GSE1: variants seen among roughly 807,000 people sequenced by gnomAD.
The protein encoded by GSE1 is genetic suppressor element 1.
Under a neutral mutation model 112.6 loss-of-function variants are expected in GSE1, and 32 were observed. That is an observed-to-expected ratio of 0.28 (90% confidence interval 0.21 to 0.38). The LOEUF is 0.38. GSE1 is among the 10% of genes least tolerant of loss of function. The probability of loss-of-function intolerance (pLI) is 1.00; values close to 1 mark genes in which losing one functional copy is unlikely to be tolerated. For synonymous variants in GSE1, 1,115 were observed against 735.6 expected, an observed-to-expected ratio of 1.52 and a Z score of -8.35; for missense variants, 2,348 against 1,699.2, an observed-to-expected ratio of 1.38 and a Z score of -6.71.
At chr16:85,493,539 A>C (rs1275989663) in intron 2 of GSE1, among the ~76,000 whole-genome samples, 1 of 152,020 alleles carries the variant, frequency 6.6e-6, no homozygotes, top group East Asian at 1.9e-4. Context: ...GGATCTCCTG[A>C]GGTCGGGAGT....
At chr16:85,501,870 G>C (rs1364853381) in intron 2 of GSE1, among the ~76,000 whole-genome samples, 1 of 152,266 alleles carries the variant, frequency 6.6e-6, no homozygotes, top group Non-Finnish European at 1.5e-5. Flanking sequence ...AACAGTTGCA[G>C]ACTGGATCTC....
chr16:85,572,513 A>ACACACACAC, intron 1 of GSE1, among the ~76,000 whole-genome samples: 1 of 151,168 alleles, frequency 6.6e-6, no homozygotes, highest in Middle Eastern at 3.2e-3. Flanking sequence ...CACACACACC[A>ACACACACAC]CACACACACC....
At chr16:85,598,384 C>G (rs1007808335) in intron 1 of GSE1, among the ~76,000 whole-genome samples, 4 of 152,112 alleles carry the variant, frequency 2.6e-5, no homozygotes, top group Non-Finnish European at 5.9e-5. Flanking sequence ...TGGGCATCAG[C>G]TTTCAGGAGA....
chr16:85,461,977 T>C (rs1378767640), intron 2 of GSE1, among the ~76,000 whole-genome samples: 3 of 152,302 alleles, frequency 2.0e-5, no homozygotes, highest in South Asian at 2.1e-4. Flanking sequence ...GAAAGGCAGC[T>C]TGAAGAGTCA....
chr16:85,553,366 C>CT (rs1477521392), upstream of GSE1, among the ~76,000 whole-genome samples: 1 of 151,352 alleles, frequency 6.6e-6, no homozygotes, highest in East Asian at 1.9e-4. Context: ...GCTCCGGAAA[C>CT]AAAGGGCCGC....
At chr16:85,274,969 C>G (rs1049481509) in intron 1 of GSE1, among the ~76,000 whole-genome samples, 13 of 152,240 alleles carry the variant, frequency 8.5e-5, no homozygotes, top group African/African-American at 3.1e-4. Flanking sequence ...TGCAGTTTCT[C>G]CATCAGCAGC....
chr16:85,213,718 C>T (rs1292079360), intron 1 of GSE1, among the ~76,000 whole-genome samples: 1 of 152,226 alleles, frequency 6.6e-6, no homozygotes, highest in African/African-American at 2.4e-5. Context: ...ATCAGGGGTG[C>T]CCTTGCAGGG....
At chr16:85,179,883 G>A (rs1443485243) in intron 1 of GSE1, among the ~76,000 whole-genome samples, 3 of 152,254 alleles carry the variant, frequency 2.0e-5, no homozygotes, top group African/African-American at 7.2e-5. Flanking sequence ...TGGGCAAGAT[G>A]TTCTACCCTG....
intron 2 of GSE1, among the ~76,000 whole-genome samples, chr16:85,638,057 A>G (rs1449553133): frequency 2.0e-5 from 3 of 152,110 alleles, no homozygotes; most frequent in African/African-American, 7.2e-5. Flanking sequence ...CCTGGGCCCC[A>G]GCCGCCTGCG....
intron 2 of GSE1, among the ~76,000 whole-genome samples, chr16:85,445,566 G>A (rs777460102): frequency 6.6e-6 from 1 of 152,248 alleles, no homozygotes; most frequent in Non-Finnish European, 1.5e-5. Flanking sequence ...TCTGCACTGT[G>A]ATAAAAAGCC....
chr16:85,566,030 C>G (rs2045732963), intron 1 of GSE1, among the ~76,000 whole-genome samples: 1 of 152,148 alleles, frequency 6.6e-6, no homozygotes, highest in South Asian at 2.1e-4. Flanking sequence ...TCTCTGTTTT[C>G]TCATCTGCTA....
chr16:85,378,993 C>T (rs144225304), intron 2 of GSE1, among the ~76,000 whole-genome samples: 6 of 152,334 alleles, frequency 3.9e-5, no homozygotes. Flanking sequence ...CTGGGTCTCA[C>T]TGGCCAGACA....
intron 1 of GSE1, among the ~76,000 whole-genome samples, chr16:85,602,135 G>A (rs1277627884): frequency 1.3e-5 from 2 of 152,336 alleles, no homozygotes; most frequent in African/African-American, 4.8e-5. Flanking sequence ...AAGGCAGAAG[G>A]CCGGGCACAG....
rs2053537182 is a variant in GSE1 at position 85,673,939 on chromosome 16, A to AC, written c.*1404dup. ...GTAAAAGCCACAAGGTCTGAGCTGAACCCCTCCTTTTTGAACTTACTGTGA... is the reference window on the plus strand; with the variant it reads ...GTAAAAGCCACAAGGTCTGAGCTGAACCCCCTCCTTTTTGAACTTACTGTGA... On this transcript the variant is annotated 3_prime_UTR_variant, in exon 16 of 16. Transcript: ENST00000253458. 6.6e-6 allele frequency: 1 copy of AC among 152,174 alleles called. No homozygotes were observed. The highest frequency in any genetic ancestry group is 6.5e-5 in the Admixed American group (1 of 15,286). The allele number at this position is 152,174 out of a possible 1,614,324, so 9.4% of individuals were successfully genotyped here.
chr16:85,419,327 A>G lies in GSE1; in HGVS notation c.2464+61684A>G, dbSNP rs1028740969. Among the ~76,000 whole-genome samples the G allele has an allele frequency of 4.6e-5, 7 of 152,146 alleles. No individual in the cohort carries two copies. The highest frequency in any genetic ancestry group is 7.2e-5 in the African/African-American group (3 of 41,436). ...CGGGGTCAGGGTTTGAGAATATACC[A>G]GATGGCCGGGCGTGGTGGCTCGTGC... is the stretch of plus-strand genomic sequence containing the variant. On this transcript the variant is annotated intron_variant, in intron 2 of 2. Transcript: ENST00000637419. This position sits in a 1 kb window ranked among gnomAD's most constrained non-coding sequence, Gnocchi z 6.5.
intron 2 of GSE1, among the ~76,000 whole-genome samples, chr16:85,509,266 C>T (rs991135959): frequency 3.9e-5 from 6 of 152,164 alleles, no homozygotes; most frequent in African/African-American, 9.7e-5. Flanking sequence ...CTTTGGGCGG[C>T]GGTAACAAGA....
At position 85,654,813 on chromosome 16, in the gene GSE1, C is replaced by T. The variant is rs1233634538; in HGVS notation, c.619C>T (p.His207Tyr). The T allele has an allele frequency of 6.2e-7, 1 of 1,611,214 alleles. No individual in the cohort carries two copies. Among genetic ancestry groups the T allele is most frequent in the Non-Finnish European group, 8.5e-7 (1 of 1,179,128 alleles). The change falls in exon 5 of 16, where the codon CAC becomes TAC. Residue 207 changes from histidine to tyrosine, a missense_variant. Physicochemically the swap from His to Tyr is moderately conservative, Grantham distance 83 (BLOSUM62 2). Transcript: ENST00000253458. ...PPLNLQRPVH[H>Y]VVPPSTVTED... The stretch of plus-strand genomic sequence containing the variant: ...CTGCAGCCTCCAGCGGCCCGTGCAC[C>T]ACGTGGTGCCCCCCAGTACCGTGAC...
intron 1 of GSE1, among the ~76,000 whole-genome samples, chr16:85,627,985 G>A (rs929607785): frequency 6.6e-6 from 1 of 152,294 alleles, no homozygotes; most frequent in Non-Finnish European, 1.5e-5. Flanking sequence ...GCTTCGTGCC[G>A]AGGCCTCGGG....
At chr16:85,249,311 G>C (rs1047037657) in intron 1 of GSE1, among the ~76,000 whole-genome samples, 2 of 152,254 alleles carry the variant, frequency 1.3e-5, no homozygotes, top group Admixed American at 1.3e-4. Flanking sequence ...ATGGGGGATA[G>C]CGGGGACCCC....
Sources: gnomAD v4.1 joint callset for allele counts (sites outside exome capture counted in the v4.1 genomes callset) on GRCh38, gnomAD v4.1.1 for gene constraint, Gnocchi (gnomAD v3.1) non-coding constraint, MANE v1.5 for transcripts, NCBI Gene and HGNC (gene_info 2026-07-23, HGNC 2026-07-21) for gene names.